Variants in PARPBP observed in about 807,000 individuals in gnomAD.
PARPBP encodes the protein PCNA-interacting partner.
PARPBP carries 52 observed loss-of-function variants against 50.0 expected under a neutral mutation model. The observed-to-expected ratio is 1.04, with a 90% confidence interval of 0.83 to 1.31. The LOEUF is 1.31. PARPBP is among the 50% of genes most tolerant of loss of function. The pLI, the probability that PARPBP is intolerant of heterozygous loss-of-function variation, is 0.00. For synonymous variants in PARPBP, 244 were observed against 232.1 expected, an observed-to-expected ratio of 1.05 and a Z score of -0.47; for missense variants, 697 against 672.0, an observed-to-expected ratio of 1.04 and a Z score of -0.41.
chr12:102,121,656 C>T (rs1881125916), intron 1 of PARPBP, among the ~76,000 whole-genome samples: 1 of 148,668 alleles, frequency 6.7e-6, no homozygotes, highest in African/African-American at 2.5e-5. Flanking sequence ...CTGGTTCAAG[C>T]GATTCTCCTG....
chr12:102,134,009 GA>G (rs1235381774), intron 2 of PARPBP, among the ~76,000 whole-genome samples: 2 of 151,134 alleles, frequency 1.3e-5, no homozygotes, highest in African/African-American at 2.4e-5. Context: ...TACATTGAAA[GA>G]AAAAAAGATC....
intron 1 of PARPBP, chr12:102,120,609 C>A (rs1436273504): frequency 5.0e-6 from 2 of 399,434 alleles, no homozygotes; most frequent in Non-Finnish European, 1.0e-5. Context: ...GACTCCAATT[C>A]CTCAACTTTC....
chr12:102,134,270 CATT>C (rs1349941871), intron 2 of PARPBP, among the ~76,000 whole-genome samples: 2 of 142,286 alleles, frequency 1.4e-5, no homozygotes, highest in African/African-American at 5.2e-5. Flanking sequence ...AAAAAGGATA[CATT>C]ATAACTAATA....
At chr12:102,140,300 G>A (rs1178685962) in intron 2 of PARPBP, among the ~76,000 whole-genome samples, 1 of 152,162 alleles carries the variant, frequency 6.6e-6, no homozygotes, top group Non-Finnish European at 1.5e-5. Flanking sequence ...TCTGATGATA[G>A]TTTGTATTTC....
chr12:102,127,852 G>T (rs1364288726), intron 2 of PARPBP, among the ~76,000 whole-genome samples: 2 of 152,104 alleles, frequency 1.3e-5, no homozygotes, highest in African/African-American at 2.4e-5. Flanking sequence ...TCAGCCTTTT[G>T]ACTGAGTGGC....
At chr12:102,150,778 G>A (rs956312402) in intron 3 of PARPBP, among the ~76,000 whole-genome samples, 1 of 152,212 alleles carries the variant, frequency 6.6e-6, no homozygotes, top group Non-Finnish European at 1.5e-5. Context: ...TCAGAGATCT[G>A]TGGACGTCTT....
chr12:102,168,628 G>A (rs1286752771), intron 6 of PARPBP, among the ~76,000 whole-genome samples: 1 of 152,158 alleles, frequency 6.6e-6, no homozygotes, highest in Non-Finnish European at 1.5e-5. Flanking sequence ...ACAGAGGAAA[G>A]GGCAATTGAC....
chr12:102,167,205 A>G, intron 6 of PARPBP, among the ~76,000 whole-genome samples: 1 of 151,832 alleles, frequency 6.6e-6, no homozygotes, highest in East Asian at 1.9e-4. Flanking sequence ...TAATTGGTAA[A>G]CCCCTTATTT....
chr12:102,137,191 G>C (rs1004414439), intron 2 of PARPBP, among the ~76,000 whole-genome samples: 2 of 152,170 alleles, frequency 1.3e-5, no homozygotes, highest in Non-Finnish European at 2.9e-5. Context: ...CTGACTTCGT[G>C]ATCCACCCGC....
At chr12:102,158,863 A>G (rs1226375056) in intron 4 of PARPBP, among the ~76,000 whole-genome samples, 4 of 152,248 alleles carry the variant, frequency 2.6e-5, no homozygotes, top group Non-Finnish European at 5.9e-5. Context: ...ACTTCGGCTT[A>G]TAAAGTTTAA....
chr12:102,164,307 G>A, intron 4 of PARPBP, 131 bp from the exon 5 acceptor site: 1 of 676,588 alleles, frequency 1.5e-6, no homozygotes, highest in African/African-American at 1.8e-5. Context: ...TTATATGGCA[G>A]TTTTATTTTT....
intron 7 of PARPBP, among the ~76,000 whole-genome samples, chr12:102,178,011 A>C (rs377552877): frequency 1.2e-4 from 19 of 152,220 alleles, no homozygotes; most frequent in African/African-American, 4.6e-4. Flanking sequence ...AATAGCACTT[A>C]GCATTCTGTA....
chr12:102,166,393 G>A (rs1594573834), intron 6 of PARPBP, among the ~76,000 whole-genome samples: 2 of 152,092 alleles, frequency 1.3e-5, no homozygotes, highest in African/African-American at 4.8e-5. Context: ...TTATAATATT[G>A]GTATATTGAG....
chr12:102,177,725 C>A (rs1051514141), intron 7 of PARPBP, among the ~76,000 whole-genome samples: 8 of 152,154 alleles, frequency 5.3e-5, no homozygotes, highest in African/African-American at 1.9e-4. Flanking sequence ...TAAACAGGAT[C>A]ATTTTACTTC....
chr12:102,162,313 T>A (rs1887686205), intron 4 of PARPBP, among the ~76,000 whole-genome samples: 1 of 152,182 alleles, frequency 6.6e-6, no homozygotes, highest in African/African-American at 2.4e-5. Flanking sequence ...GGATATTAGT[T>A]GTGACTGAAA....
chr12:102,132,495 T>C (rs1346490877), intron 2 of PARPBP, among the ~76,000 whole-genome samples: 1 of 152,176 alleles, frequency 6.6e-6, no homozygotes, highest in Non-Finnish European at 1.5e-5. Flanking sequence ...GGTTCTCAAT[T>C]CTGTTCCACT....
rs577692038 is a variant in PARPBP, at chr12:102,123,915, C to T, written c.27C>T (p.Val9=). 31 of 1,535,154 alleles carry T rather than the reference C, an allele frequency of 2.0e-5. No individual in the cohort carries two copies. In the South Asian group the frequency reaches 3.5e-4, roughly 17 times the overall value. Residue 9 remains valine (V), a synonymous_variant, in exon 2 of 11, where the codon GTC becomes GTT. Transcript: ENST00000327680. Reference sequence around the variant, plus strand: ...TGGCTGTGTTTAATCAGAAGTCTGTCTCGGATATGATTAAAGAGTTTCGAA... The same window carrying T: ...TGGCTGTGTTTAATCAGAAGTCTGTTTCGGATATGATTAAAGAGTTTCGAA... MAVFNQKS[V]SDMIKEFRKN...
intron 2 of PARPBP, among the ~76,000 whole-genome samples, chr12:102,129,807 T>A (rs1882573482): frequency 6.6e-6 from 1 of 152,144 alleles, no homozygotes; most frequent in Non-Finnish European, 1.5e-5. Context: ...CCTCTAGACT[T>A]GACTACTGCC....
intron 7 of PARPBP, among the ~76,000 whole-genome samples, chr12:102,177,945 G>A (rs970506000): frequency 2.0e-5 from 3 of 152,186 alleles, no homozygotes; most frequent in Non-Finnish European, 4.4e-5. Context: ...TTTGATGCCA[G>A]GGTACATTGG....
Sources: allele counts gnomAD v4.1 joint callset (sites outside exome capture counted in the v4.1 genomes callset), GRCh38; gene constraint gnomAD v4.1.1; transcripts MANE v1.5; gene names NCBI Gene and HGNC (gene_info 2026-07-23, HGNC 2026-07-21).